SECISBP2L: variants seen among roughly 807,000 people sequenced by gnomAD.
The protein encoded by SECISBP2L is SECIS binding protein 2 like, also known as selenocysteine insertion sequence-binding protein 2-like.
SECISBP2L carries 43 observed loss-of-function variants against 114.7 expected under a neutral mutation model. The observed-to-expected ratio is 0.38, with a 90% CI of 0.29 to 0.48. The LOEUF (loss-of-function observed/expected upper bound fraction) is 0.48, where lower values mean the gene tolerates loss of function less well. Ranked by LOEUF, SECISBP2L falls within the 20% of genes least tolerant of loss-of-function variation. SECISBP2L has a pLI of 0.98. For missense variants in SECISBP2L, 1,136 were observed against 1,301.1 expected (o/e 0.87, Z 1.95); for synonymous variants, 451 against 439.7 (o/e 1.03, Z -0.32).
At chr15:49,010,853 C>CA (rs1478290071) in intron 13 of SECISBP2L, among the ~76,000 whole-genome samples, 2 of 152,192 alleles carry the variant, frequency 1.3e-5, no homozygotes, top group African/African-American at 2.4e-5. Flanking sequence ...GTAAGCTCTT[C>CA]AACAGCAGGA....
chr15:48,993,509 C>T (rs949895017), intron 17 of SECISBP2L, among the ~76,000 whole-genome samples: 2 of 152,156 alleles, frequency 1.3e-5, no homozygotes, highest in Admixed American at 1.3e-4. Flanking sequence ...GGACCCACAA[C>T]CCAAGAGATA....
rs746820181 is a variant in SECISBP2L at position 49,033,117 on chromosome 15, AC to A, written c.529-18del. 1.0e-5 allele frequency: 16 copies of A among 1,600,144 alleles called. No homozygotes were observed. Among genetic ancestry groups the A allele is most frequent in the South Asian group, 2.3e-5 (2 of 87,706 alleles). On this transcript the variant is annotated intron_variant, in intron 3 of 17. Coordinates refer to ENST00000559471, the MANE Select transcript of SECISBP2L (RefSeq NM_001193489.2). ...AAGCTGTTGCTGATTTAAAAAAAAAACAAAAAAACAAAAAACACACAACTAT... is the reference window on the plus strand; with the variant it reads ...AAGCTGTTGCTGATTTAAAAAAAAAAAAAAAAACAAAAAACACACAACTAT...
chr15:49,040,272 A>T (rs535034254), intron 1 of SECISBP2L, among the ~76,000 whole-genome samples: 1 of 152,252 alleles, frequency 6.6e-6, no homozygotes, highest in Admixed American at 6.5e-5. Flanking sequence ...CAACAATAAA[A>T]CTCACAAACA....
chr15:49,002,461 C>T (rs773206862), intron 14 of SECISBP2L, among the ~76,000 whole-genome samples: 60 of 152,144 alleles, frequency 3.9e-4, no homozygotes, highest in Non-Finnish European at 6.5e-4. Context: ...TTAACTAGAT[C>T]CCATCTGTCA....
rs748698445 is a variant in SECISBP2L, at chr15:49,037,717, G to A, written c.77C>T (p.Pro26Leu). The A allele has an allele frequency of 4.6e-5, 74 of 1,612,582 alleles. No homozygotes were observed. The highest frequency in any genetic ancestry group is 5.6e-5 in the Non-Finnish European group (66 of 1,179,130). The stretch of plus-strand genomic sequence containing the variant: ...AGCCATAGGGATCATAAATGTATCA[G>A]GACTCTTCTTCTGGGGAATAAATGG... ...VEPFIPQKKSPDTFMIPMALP... is the reference protein window; with the variant it reads ...VEPFIPQKKSLDTFMIPMALP... The change falls in exon 2 of 18, where the codon CCT becomes CTT. Residue 26 changes from proline to leucine, a missense_variant. This residue lies in a region of SECISBP2L where 452 missense variants were observed against 452.3 expected (regional missense o/e 1.00). Coordinates refer to ENST00000559471, the MANE Select transcript of SECISBP2L (RefSeq NM_001193489.2).
chr15:49,002,548 T>C (rs766894595), intron 14 of SECISBP2L, among the ~76,000 whole-genome samples: 7 of 152,200 alleles, frequency 4.6e-5, no homozygotes, highest in Non-Finnish European at 1.0e-4. Context: ...CTGAATGGTA[T>C]TGCCTAGGTT....
At chr15:49,009,684 A>G (rs1902397957) in intron 13 of SECISBP2L, among the ~76,000 whole-genome samples, 1 of 151,696 alleles carries the variant, frequency 6.6e-6, no homozygotes, top group Non-Finnish European at 1.5e-5. Context: ...GGTCAGCCTG[A>G]GAAACGTTGT....
intron 4 of SECISBP2L, among the ~76,000 whole-genome samples, chr15:49,031,300 C>T (rs1264139453): frequency 1.3e-5 from 2 of 152,142 alleles, no homozygotes; most frequent in Admixed American, 6.5e-5. Flanking sequence ...CTGTCTGCCT[C>T]GGCCTCCCAA....
At chr15:49,004,166 G>A (rs568907723) in intron 14 of SECISBP2L, among the ~76,000 whole-genome samples, 1 of 152,218 alleles carries the variant, frequency 6.6e-6, no homozygotes, top group South Asian at 2.1e-4. Context: ...GTTTAGTCTT[G>A]GGAGGGTGTA....
At chr15:49,037,425 GA>G (rs1903033696) in intron 2 of SECISBP2L, 165 bp downstream of exon 2, 1 of 553,146 alleles carries the variant, frequency 1.8e-6, no homozygotes, top group Non-Finnish European at 3.1e-6. Flanking sequence ...GAAAAAATGA[GA>G]AACTAATCCA....
chr15:49,010,057 C>T (rs993089445), intron 13 of SECISBP2L, among the ~76,000 whole-genome samples: 7 of 150,540 alleles, frequency 4.6e-5, no homozygotes, highest in Non-Finnish European at 7.4e-5. Flanking sequence ...CGCTTGAACC[C>T]GGAGGTGGAG....
intron 14 of SECISBP2L, among the ~76,000 whole-genome samples, chr15:49,006,536 A>C (rs1391067734): frequency 2.0e-5 from 3 of 151,858 alleles, no homozygotes; most frequent in African/African-American, 7.3e-5. Context: ...CGCTTGATCG[A>C]TTCAGCTGTT....
chr15:49,029,448 G>A (rs887996421), intron 4 of SECISBP2L, among the ~76,000 whole-genome samples: 1 of 152,094 alleles, frequency 6.6e-6, no homozygotes, highest in Non-Finnish European at 1.5e-5. Flanking sequence ...CTTTATCCAT[G>A]TGACTTCTCA....
intron 15 of SECISBP2L, 25 bp downstream of exon 15, chr15:49,000,852 C>A: frequency 1.3e-6 from 2 of 1,588,548 alleles, no homozygotes; most frequent in Non-Finnish European, 1.7e-6. Flanking sequence ...ACTATCAAAA[C>A]ACTTCAAAAG....
chr15:49,027,609 TA>T (rs200298518), intron 6 of SECISBP2L, 129 bp from the exon 7 acceptor site: 35,978 of 332,930 alleles, frequency 0.11, 347 homozygotes, highest in Middle Eastern at 0.16. Flanking sequence ...TAAACCTTAT[TA>T]TTTTTTTTTT....
intron 14 of SECISBP2L, among the ~76,000 whole-genome samples, chr15:49,001,301 C>A (rs1203307089): frequency 6.6e-6 from 1 of 152,108 alleles, no homozygotes; most frequent in African/African-American, 2.4e-5. Flanking sequence ...CTTGTTTCTG[C>A]ATTTCAAATA....
chr15:48,992,364 C>G lies in SECISBP2L; in HGVS notation c.3186G>C (p.Gly1062=), dbSNP rs775226144. ...EAEAPEVLEP[G]MDSEAWTADQ... Reference sequence around the variant, plus strand: ...CAGCAGTCCATGCCTCACTGTCCATCCCTGGCTCCAGCACCTCAGGCGCCT... The same window carrying G: ...CAGCAGTCCATGCCTCACTGTCCATGCCTGGCTCCAGCACCTCAGGCGCCT... The change falls in exon 18 of 18, where the codon GGG becomes GGC. Residue 1062 remains glycine (G), a synonymous_variant. Transcript: ENST00000559471. 27 of 1,614,178 alleles carry G rather than the reference C, an allele frequency of 1.7e-5. No individual in the cohort carries two copies. The highest frequency in any genetic ancestry group is 3.3e-4 in the Middle Eastern group (2 of 6,062).
At chr15:49,032,089 TA>T (rs1902900982) in intron 4 of SECISBP2L, among the ~76,000 whole-genome samples, 2 of 152,118 alleles carry the variant, frequency 1.3e-5, no homozygotes, top group South Asian at 4.1e-4. Flanking sequence ...TAAGCAACCG[TA>T]AAAAGATACA....
intron 15 of SECISBP2L, 63 bp from the exon 16 acceptor site, chr15:49,000,050 C>A: frequency 6.4e-7 from 1 of 1,550,454 alleles, no homozygotes; most frequent in Admixed American, 1.8e-5. Flanking sequence ...ATTGCACACC[C>A]GATAGCTAAA....
Sources: gnomAD v4.1 joint callset for allele counts (sites outside exome capture counted in the v4.1 genomes callset) on GRCh38, gnomAD v4.1.1 for gene constraint, gnomAD v4.1.1 regional missense constraint, MANE v1.5 for transcripts, NCBI Gene and HGNC (gene_info 2026-07-23, HGNC 2026-07-21) for gene names.